The following KLRG1 variants were observed in gnomAD, a reference collection of about 807,000 sequenced individuals.
The protein encoded by KLRG1 is killer cell lectin-like receptor subfamily G member 1.
Under a neutral mutation model 21.8 loss-of-function variants are expected in KLRG1, and 16 were observed. The ratio of observed to expected loss-of-function variants is 0.73; its 90% CI spans 0.50 to 1.11. The LOEUF is 1.11. Among genes scored for constraint, KLRG1 ranks in the 50% most tolerant of loss-of-function variants. The pLI is 0.00. For missense variants in KLRG1, 173 were observed against 218.3 expected, an observed-to-expected ratio of 0.79 and a Z score of 1.31; for synonymous variants, 69 against 75.9, an observed-to-expected ratio of 0.91 and a Z score of 0.47.
chr12:9,028,896 C>A, the KLRG1 span: 1 of 638,118 alleles, frequency 1.6e-6, no homozygotes, highest in East Asian at 3.5e-5. Context: ...CCACCTCCTC[C>A]ATAGTGGCAT....
At chr12:8,972,928 G>A (rs1254854163) in intron 1 of KLRG1, among the ~76,000 whole-genome samples, 1 of 152,040 alleles carries the variant, frequency 6.6e-6, no homozygotes, top group Non-Finnish European at 1.5e-5. Flanking sequence ...ATCACCTGAG[G>A]TCAGGAGTTC....
chr12:9,116,674 C>T, the KLRG1 span, among the ~76,000 whole-genome samples: 65 of 152,144 alleles, frequency 4.3e-4, no homozygotes, highest in Admixed American at 7.9e-4. Flanking sequence ...ATCCATCCAC[C>T]CATGCATTTA....
chr12:9,200,774 G>A, the KLRG1 span: 1 of 1,061,348 alleles, frequency 9.4e-7, no homozygotes, highest in Non-Finnish European at 1.4e-6. Context: ...GGTCTTAGAA[G>A]CAGTAAGTCT....
chr12:9,045,186 A>G, the KLRG1 span, among the ~76,000 whole-genome samples: 4 of 152,354 alleles, frequency 2.6e-5, no homozygotes, highest in Admixed American at 6.5e-5. Flanking sequence ...TAGATCCATC[A>G]AAGAATTGAG....
At chr12:9,076,977 A>G in the KLRG1 span, 32 of 1,502,472 alleles carry the variant, frequency 2.1e-5, no homozygotes, top group African/African-American at 4.2e-5. Flanking sequence ...CTATGTAAAC[A>G]GGCATATTAG....
At chr12:9,192,239 G>A in the KLRG1 span, 2 of 1,614,040 alleles carry the variant, frequency 1.2e-6, no homozygotes, top group South Asian at 2.2e-5. Flanking sequence ...ATCTGACGAT[G>A]ACTCCCTTAG....
chr12:9,175,423 T>C, the KLRG1 span, among the ~76,000 whole-genome samples: 2 of 152,050 alleles, frequency 1.3e-5, no homozygotes, highest in East Asian at 3.9e-4. Context: ...ATGATGAAAA[T>C]GCCAAAAGCA....
the KLRG1 span, among the ~76,000 whole-genome samples, chr12:9,195,112 A>G: frequency 6.6e-6 from 1 of 152,180 alleles, no homozygotes; most frequent in East Asian, 1.9e-4. Flanking sequence ...TAGCAAAAAA[A>G]GGACAAATAT....
the KLRG1 span, among the ~76,000 whole-genome samples, chr12:9,069,567 C>T: frequency 2.0e-5 from 3 of 152,118 alleles, no homozygotes; most frequent in Admixed American, 2.0e-4. Context: ...CCATTTCTAC[C>T]TGTAATCCCT....
At chr12:9,080,378 A>G in the KLRG1 span, 383 of 381,536 alleles carry the variant, frequency 1.0e-3, no homozygotes, top group Non-Finnish European at 1.5e-3. Flanking sequence ...TTCTTCTTCA[A>G]TGATCTTTTC....
At chr12:9,163,411 A>C in the KLRG1 span, among the ~76,000 whole-genome samples, 148,737 of 151,574 alleles carry the variant, frequency 0.98, 73,046 homozygotes, top group East Asian at 1. Context: ...CGAGATCGCA[A>C]CACTGCACTT....
intron 1 of KLRG1, among the ~76,000 whole-genome samples, chr12:8,969,179 C>T (rs536815009): frequency 6.6e-6 from 1 of 152,206 alleles, no homozygotes; most frequent in African/African-American, 2.4e-5. Flanking sequence ...TGTCTGGCTC[C>T]TCCAGCCAGG....
At chr12:9,070,559 C>A in the KLRG1 span, 12 of 1,613,534 alleles carry the variant, frequency 7.4e-6, no homozygotes, top group African/African-American at 1.5e-4. Context: ...ATGTTGGAGG[C>A]AGAGCGGCTC....
chr12:9,093,417 G>T, the KLRG1 span: 2 of 1,301,682 alleles, frequency 1.5e-6, no homozygotes, highest in South Asian at 1.2e-5. Flanking sequence ...GTTGAAAATA[G>T]TCAGGGACCT....
the KLRG1 span, among the ~76,000 whole-genome samples, chr12:9,037,864 C>T: frequency 1.3e-5 from 2 of 152,176 alleles, no homozygotes; most frequent in Admixed American, 6.5e-5. Flanking sequence ...GTGGTAGGCT[C>T]TTCCATCTAG....
At chr12:9,127,652 G>A in the KLRG1 span, 6 of 154,768 alleles carry the variant, frequency 3.9e-5, no homozygotes, top group African/African-American at 1.4e-4. Flanking sequence ...GCCGTAGCCT[G>A]TCTGTGTCCT....
intron 1 of KLRG1, among the ~76,000 whole-genome samples, chr12:8,967,595 G>A (rs995080921): frequency 1.3e-5 from 2 of 152,048 alleles, no homozygotes; most frequent in African/African-American, 4.8e-5. Context: ...GGTGGTGCAT[G>A]CTTGCAGTCT....
chr12:9,083,754 G>GA, the KLRG1 span, among the ~76,000 whole-genome samples: 177 of 142,518 alleles, frequency 1.2e-3, 1 homozygote, highest in African/African-American at 3.3e-3. Context: ...TATAGAATCA[G>GA]AAAAAAAAAA....
At chr12:9,096,037 G>A in the KLRG1 span, among the ~76,000 whole-genome samples, 1 of 152,086 alleles carries the variant, frequency 6.6e-6, no homozygotes, top group Non-Finnish European at 1.5e-5. Flanking sequence ...GGGATTACAG[G>A]CGTGAGCCAC....
Sources: gnomAD v4.1 joint callset for allele counts (sites outside exome capture counted in the v4.1 genomes callset) on GRCh38, gnomAD v4.1.1 for gene constraint, MANE v1.5 for transcripts, NCBI Gene and HGNC (gene_info 2026-07-23, HGNC 2026-07-21) for gene names.